The following ALPK1 variants were observed in gnomAD, a reference collection of about 807,000 sequenced individuals.
The protein encoded by ALPK1 is alpha kinase 1, also known as alpha-protein kinase 1.
Under a neutral mutation model 120.6 loss-of-function variants are expected in ALPK1, and 110 were observed. The observed-to-expected ratio is 0.91, with a 90% confidence interval of 0.78 to 1.07. ALPK1 has a LOEUF of 1.07. Ranked by LOEUF, ALPK1 falls within the 50% of genes least tolerant of loss-of-function variation. The probability of loss-of-function intolerance (pLI) is 0.00; values close to 1 mark genes in which losing one functional copy is unlikely to be tolerated. For missense variants in ALPK1, 1,498 were observed against 1,483.9 expected, an observed-to-expected ratio of 1.01 and a Z score of -0.16; for synonymous variants, 582 against 560.3, an observed-to-expected ratio of 1.04 and a Z score of -0.55.
intron 4 of ALPK1, among the ~76,000 whole-genome samples, chr4:112,386,294 A>G (rs1732148003): frequency 6.6e-6 from 1 of 151,586 alleles, no homozygotes; most frequent in Non-Finnish European, 1.5e-5. Flanking sequence ...CCTCCTTTAC[A>G]CTCCACACAA....
At chr4:112,310,990 A>C (rs1229888661) in intron 1 of ALPK1, among the ~76,000 whole-genome samples, 2 of 151,198 alleles carry the variant, frequency 1.3e-5, no homozygotes, top group African/African-American at 2.5e-5. Context: ...TTTAGAAAGG[A>C]GGAAACTGAG....
chr4:112,438,971 T>C (rs895174322), intron 13 of ALPK1, among the ~76,000 whole-genome samples: 1 of 152,212 alleles, frequency 6.6e-6, no homozygotes, highest in Non-Finnish European at 1.5e-5. Context: ...GTTAGAAAGT[T>C]CTTAGACTTA....
intron 4 of ALPK1, among the ~76,000 whole-genome samples, chr4:112,406,421 A>G (rs987200623): frequency 1.3e-5 from 2 of 152,232 alleles, no homozygotes; most frequent in Non-Finnish European, 2.9e-5. Context: ...AAAGTGGTCA[A>G]CTTCATAGAA....
At chr4:112,401,692 A>C (rs182452414) in intron 4 of ALPK1, among the ~76,000 whole-genome samples, 14 of 152,292 alleles carry the variant, frequency 9.2e-5, no homozygotes, top group Admixed American at 2.6e-4. Context: ...GGGCCATGAG[A>C]TTCACAGGGA....
chr4:112,301,121 G>C (rs1276851094), intron 1 of ALPK1, among the ~76,000 whole-genome samples: 2 of 151,996 alleles, frequency 1.3e-5, no homozygotes, highest in Non-Finnish European at 2.9e-5. Context: ...ATTAAAGTTT[G>C]GACACTGCTG....
chr4:112,325,235 A>G (rs1157468186), intron 2 of ALPK1, among the ~76,000 whole-genome samples: 1 of 152,172 alleles, frequency 6.6e-6, no homozygotes, highest in East Asian at 1.9e-4. Flanking sequence ...AGCTCTTTAT[A>G]TATGCAGGCT....
chr4:112,440,937 A>C lies in ALPK1; in HGVS notation c.3559A>C (p.Lys1187Gln), dbSNP rs754652025. Residue 1187 changes from lysine (K) to glutamine (Q), a missense_variant, in exon 15 of 16, where the codon AAA (lysine) becomes CAA (glutamine). Lys to Gln is a moderately conservative substitution (Grantham distance 53). Coordinates refer to ENST00000650871, the MANE Select transcript of ALPK1 (RefSeq NM_025144.4). ...TTTAGGTTGGGTAACCGGTAATGGAAAAGGACTCATCTACCTCACAGATCC... is the reference window on the plus strand; with the variant it reads ...TTTAGGTTGGGTAACCGGTAATGGACAAGGACTCATCTACCTCACAGATCC... ...DLQGWVTGNG[K>Q]GLIYLTDPQI... 1 of 1,612,852 alleles carries C rather than the reference A, an allele frequency of 6.2e-7. No individual in the cohort carries two copies. The highest frequency in any genetic ancestry group is 1.3e-5 in the African/African-American group (1 of 74,874).
At chr4:112,412,578 T>C in intron 5 of ALPK1, 1 of 409,622 alleles carries the variant, frequency 2.4e-6, no homozygotes, top group Non-Finnish European at 4.9e-6. Context: ...GCTGACATTC[T>C]AACTTAAGAT....
intron 1 of ALPK1, among the ~76,000 whole-genome samples, chr4:112,313,204 C>T (rs1033168291): frequency 7.9e-5 from 12 of 152,000 alleles, no homozygotes; most frequent in African/African-American, 2.2e-4. Flanking sequence ...ATGAAGTCAC[C>T]GAGGAATAGG....
At chr4:112,419,447 CA>C (rs1384403529) in intron 5 of ALPK1, among the ~76,000 whole-genome samples, 1 of 148,200 alleles carries the variant, frequency 6.7e-6, no homozygotes, top group African/African-American at 2.5e-5. Flanking sequence ...AATAGCACAG[CA>C]ATGAGGTTTA....
chr4:112,427,497 C>A, intron 8 of ALPK1, 73 bp from the exon 9 acceptor site: 1 of 1,022,684 alleles, frequency 9.8e-7, no homozygotes, highest in South Asian at 1.3e-5. Flanking sequence ...TAATCATAGC[C>A]TTTAGGCCAT....
In ALPK1 at chr4:112,331,316, A is replaced by T. The variant is rs754516446; in HGVS notation, c.-101+15464A>T. ...TGGGAGACCTTTGGTGGACATTTAC[A>T]TGGGGCACAAGTATTCTGATATCAT... On this transcript the variant is annotated intron_variant, in intron 2 of 15. Transcript: ENST00000650871. Among the ~76,000 whole-genome samples the T allele has an allele frequency of 3.9e-4, 60 of 152,172 alleles. 1 individual carries two copies. Among genetic ancestry groups the T allele is most frequent in the Admixed American group, 1.8e-3 (28 of 15,262 alleles).
chr4:112,382,310 TGCCACTGAGG>T, intron 3 of ALPK1, 78 bp from the exon 4 acceptor site: 1 of 762,296 alleles, frequency 1.3e-6, no homozygotes. Context: ...TTTTTTTTTT[TGCCACTGAGG>T]TGCTTCATCA....
intron 4 of ALPK1, 62 bp from the exon 5 acceptor site, chr4:112,411,765 G>T (rs1733477016): frequency 6.6e-7 from 1 of 1,514,154 alleles, no homozygotes; most frequent in African/African-American, 1.4e-5. Context: ...CCCACGCTAA[G>T]CCTGGCCCTC....
rs778543342 is a variant in ALPK1, at chr4:112,430,750, AGAAG to A, written c.1204_1207del (p.Glu402LeufsTer9). Reference sequence around the variant, plus strand: ...GCACTTCCTCCAGAAGTCAGGACAGAGAAGCTCTGTCTCAAGAAGTTATGTCTGT... The same window carrying A: ...GCACTTCCTCCAGAAGTCAGGACAGACTCTGTCTCAAGAAGTTATGTCTGT... On this transcript the variant is annotated frameshift_variant, in exon 11 of 16. Transcript: ENST00000650871. LOFTEE classifies it high-confidence loss of function. The A allele has an allele frequency of 6.2e-7, 1 of 1,614,240 alleles. No individual in the cohort carries two copies. The highest frequency in any genetic ancestry group is 1.7e-5 in the Admixed American group (1 of 60,028).
chr4:112,430,065 A>G (rs1734467091), intron 10 of ALPK1, among the ~76,000 whole-genome samples: 1 of 152,178 alleles, frequency 6.6e-6, no homozygotes, highest in East Asian at 1.9e-4. Flanking sequence ...TGATGTATTC[A>G]TATATGGCAT....
intron 2 of ALPK1, among the ~76,000 whole-genome samples, chr4:112,337,661 C>G (rs959338939): frequency 3.9e-5 from 6 of 152,074 alleles, no homozygotes; most frequent in Non-Finnish European, 8.8e-5. Context: ...TACAATCATG[C>G]CACTCCATTC....
intron 2 of ALPK1, among the ~76,000 whole-genome samples, chr4:112,355,669 G>A (rs906665375): frequency 2.0e-5 from 3 of 152,236 alleles, no homozygotes; most frequent in South Asian, 4.1e-4. Flanking sequence ...GGCGATGGAA[G>A]TGAGGTTCAC....
chr4:112,430,191 G>A (rs902479557), intron 10 of ALPK1, among the ~76,000 whole-genome samples: 4 of 152,276 alleles, frequency 2.6e-5, no homozygotes, highest in African/African-American at 7.2e-5. Context: ...AGATACAATA[G>A]GATGGTAATT....
Sources: allele counts gnomAD v4.1 joint callset (sites outside exome capture counted in the v4.1 genomes callset), GRCh38; gene constraint gnomAD v4.1.1; transcripts MANE v1.5; gene names NCBI Gene and HGNC (gene_info 2026-07-23, HGNC 2026-07-21).